CNTNAP4: variants seen among roughly 807,000 people sequenced by gnomAD.
The protein encoded by CNTNAP4 is contactin-associated protein-like 4.
In CNTNAP4, 98 loss-of-function variants were observed where a neutral mutation model predicts 148.4. The observed-to-expected ratio is 0.66, with a 90% confidence interval of 0.56 to 0.78. The LOEUF is 0.78. CNTNAP4 is among the 30% of genes least tolerant of loss of function. The pLI, the probability that CNTNAP4 is intolerant of heterozygous loss-of-function variation, is 0.00. For synonymous variants in CNTNAP4, 730 were observed against 565.1 expected, an observed-to-expected ratio of 1.29 and a Z score of -4.14; for missense variants, 1,935 against 1,565.6, an observed-to-expected ratio of 1.24 and a Z score of -3.98.
intron 3 of CNTNAP4, among the ~76,000 whole-genome samples, chr16:76,373,851 C>T (rs1260358472): frequency 4.7e-5 from 7 of 147,648 alleles, no homozygotes; most frequent in South Asian, 2.1e-4. Context: ...GCCAAGATCA[C>T]GCCATTGCAC....
chr16:76,552,346 A>G (rs1201844940), intron 21 of CNTNAP4, among the ~76,000 whole-genome samples: 1 of 152,160 alleles, frequency 6.6e-6, no homozygotes, highest in African/African-American at 2.4e-5. Context: ...CCATATCAAT[A>G]GTTGTGCTAT....
chr16:76,483,791 A>T (rs2081927719), intron 12 of CNTNAP4, among the ~76,000 whole-genome samples: 1 of 152,206 alleles, frequency 6.6e-6, no homozygotes, highest in African/African-American at 2.4e-5. Context: ...AATGTCAGGC[A>T]GGCCAAATTT....
intron 23 of CNTNAP4, among the ~76,000 whole-genome samples, chr16:76,557,173 A>G (rs2085232127): frequency 6.6e-6 from 1 of 152,176 alleles, no homozygotes; most frequent in Admixed American, 6.5e-5. Context: ...GGCGGCAGAA[A>G]ATAGTTTTCC....
In CNTNAP4 at chr16:76,558,568, A is replaced by G. The variant is rs1371017321; in HGVS notation, c.3812A>G (p.Tyr1271Cys). The change falls in exon 24 of 24, where the codon TAT becomes TGT. Residue 1271 changes from tyrosine (Y) to cysteine (C), a missense_variant. Coordinates refer to ENST00000611870, the MANE Select transcript of CNTNAP4 (RefSeq NM_033401.5). ...AVRIYQQKRL[Y>C]KRSEAKRSEN... ...CGCATTTATCAGCAGAAAAGGTTAT[A>G]TAAAAGAAGTGAGGCAAAAAGGTCA... The G allele has an allele frequency of 1.2e-6, 2 of 1,612,860 alleles. No individual in the cohort carries two copies. The highest frequency in any genetic ancestry group is 1.7e-4 in the Middle Eastern group (1 of 6,060).
rs759294032 is a variant in CNTNAP4, at chr16:76,316,538, C to G, written c.196+15C>G. The stretch of plus-strand genomic sequence containing the variant: ...TAGAAGAGATGGTAAGTCTGCTTTT[C>G]TCCTCTGACTGGCCCATAGAAAATC... On this transcript the variant is annotated intron_variant, in intron 2 of 23. Transcript: ENST00000611870. 37 of 1,530,472 alleles carry G rather than the reference C, an allele frequency of 2.4e-5. 1 individual carries two copies. In the South Asian group the frequency reaches 3.6e-4, roughly 15 times the overall value. The allele number at this position is 1,530,472 out of a possible 1,614,324, so 94.8% of individuals were successfully genotyped here.
chr16:76,346,432 TAAAA>T (rs59482710), intron 2 of CNTNAP4, among the ~76,000 whole-genome samples: 4 of 123,754 alleles, frequency 3.2e-5, no homozygotes, highest in Admixed American at 8.4e-5. Flanking sequence ...CTAGGGAAGA[TAAAA>T]AAAAAAAAAA....
intron 1 of CNTNAP4, among the ~76,000 whole-genome samples, chr16:76,287,996 C>G (rs180927861): frequency 5.2e-4 from 79 of 152,176 alleles, no homozygotes; most frequent in African/African-American, 1.6e-3. Flanking sequence ...TCTGTCTTTA[C>G]TGCTTGATAT....
chr16:76,548,434 G>T (rs1383607089), intron 21 of CNTNAP4, among the ~76,000 whole-genome samples: 6 of 150,512 alleles, frequency 4.0e-5, no homozygotes, highest in African/African-American at 1.5e-4. Context: ...TTTTGCTTAC[G>T]CCTCAGGAAA....
At chr16:76,356,162 A>T (rs909545276) in intron 3 of CNTNAP4, among the ~76,000 whole-genome samples, 2 of 152,146 alleles carry the variant, frequency 1.3e-5, no homozygotes, top group East Asian at 3.9e-4. Context: ...GGCATGAGCC[A>T]CTGAGCCCAG....
At chr16:76,515,650 G>A (rs1192120701) in intron 15 of CNTNAP4, among the ~76,000 whole-genome samples, 2 of 152,118 alleles carry the variant, frequency 1.3e-5, no homozygotes, top group Non-Finnish European at 2.9e-5. Flanking sequence ...TAACACAATG[G>A]GCAAAAGACG....
chr16:76,370,660 G>A (rs1017742648), intron 3 of CNTNAP4, among the ~76,000 whole-genome samples: 1 of 152,210 alleles, frequency 6.6e-6, no homozygotes, highest in African/African-American at 2.4e-5. Flanking sequence ...GAAACAGAAC[G>A]ATGAGGACAG....
chr16:76,399,978 T>G (rs2078346868), intron 3 of CNTNAP4, among the ~76,000 whole-genome samples: 1 of 152,200 alleles, frequency 6.6e-6, no homozygotes, highest in Non-Finnish European at 1.5e-5. Flanking sequence ...TCTATAAAAA[T>G]GTAAAAGATT....
chr16:76,281,675 C>T (rs1958693042), intron 1 of CNTNAP4, among the ~76,000 whole-genome samples: 1 of 151,920 alleles, frequency 6.6e-6, no homozygotes, highest in Non-Finnish European at 1.5e-5. Context: ...AATTATATAA[C>T]ATCTATCATA....
intron 2 of CNTNAP4, among the ~76,000 whole-genome samples, chr16:76,335,204 C>T (rs1207293301): frequency 2.0e-5 from 3 of 152,186 alleles, no homozygotes; most frequent in Admixed American, 6.5e-5. Flanking sequence ...AAGGTGAGCA[C>T]ATACATTTCT....
chr16:76,332,553 T>C (rs1963629678), intron 2 of CNTNAP4, among the ~76,000 whole-genome samples: 1 of 152,076 alleles, frequency 6.6e-6, no homozygotes, highest in Admixed American at 6.6e-5. Context: ...TTTTTATAAT[T>C]CACTTTTTAT....
chr16:76,335,557 A>G (rs1963947425), intron 2 of CNTNAP4, among the ~76,000 whole-genome samples: 2 of 152,266 alleles, frequency 1.3e-5, no homozygotes, highest in South Asian at 2.1e-4. Context: ...ATAAAGAATC[A>G]CTTTCTCTGA....
intron 17 of CNTNAP4, among the ~76,000 whole-genome samples, chr16:76,526,206 C>G (rs1261935861): frequency 6.6e-6 from 1 of 151,910 alleles, no homozygotes; most frequent in Admixed American, 6.6e-5. Context: ...CTGTGAACAT[C>G]TGAAGGAAGA....
At chr16:76,390,812 C>A (rs954089431) in intron 3 of CNTNAP4, among the ~76,000 whole-genome samples, 3 of 151,944 alleles carry the variant, frequency 2.0e-5, no homozygotes, top group Non-Finnish European at 4.4e-5. Flanking sequence ...TAGGACTTTA[C>A]CCTCCTCAAG....
chr16:76,521,960 T>G, intron 16 of CNTNAP4, 79 bp from the exon 17 acceptor site: 1 of 1,244,228 alleles, frequency 8.0e-7, no homozygotes, highest in Non-Finnish European at 1.2e-6. Context: ...TACGCTGTAG[T>G]GTGTTCCTAA....
Sources: gnomAD v4.1 joint callset for allele counts (sites outside exome capture counted in the v4.1 genomes callset) on GRCh38, gnomAD v4.1.1 for gene constraint, MANE v1.5 for transcripts, NCBI Gene and HGNC (gene_info 2026-07-23, HGNC 2026-07-21) for gene names.